KLHL2: variants seen among roughly 807,000 people sequenced by gnomAD.
The protein encoded by KLHL2 is kelch like family member 2.
A neutral mutation model predicts 75.8 loss-of-function variants in KLHL2; 15 were observed. The observed-to-expected ratio is 0.20, with a 90% CI of 0.13 to 0.30. KLHL2 has a LOEUF of 0.30. Ranked by LOEUF, KLHL2 falls within the 10% of genes least tolerant of loss-of-function variation. KLHL2 has a pLI of 1.00. For missense variants in KLHL2, 381 were observed against 741.0 expected, an observed-to-expected ratio of 0.51 and a Z score of 5.64; for synonymous variants, 214 against 251.9, an observed-to-expected ratio of 0.85 and a Z score of 1.42.
At chr4:165,220,975 G>T (rs1737942328) in intron 2 of KLHL2, among the ~76,000 whole-genome samples, 1 of 152,102 alleles carries the variant, frequency 6.6e-6, no homozygotes, top group Admixed American at 6.6e-5. Context: ...CATTCCGTTT[G>T]TGAAAGTACT....
intron 5 of KLHL2, among the ~76,000 whole-genome samples, chr4:165,290,468 T>TTTTG (rs1369728562): frequency 3.9e-5 from 6 of 152,162 alleles, no homozygotes; most frequent in East Asian, 1.9e-4. Flanking sequence ...GAACCTTGTT[T>TTTTG]TTTGTTTGTT....
chr4:165,320,913 A>G (rs191968537), intron 14 of KLHL2, among the ~76,000 whole-genome samples: 2 of 152,238 alleles, frequency 1.3e-5, no homozygotes, highest in Non-Finnish European at 2.9e-5. Context: ...TTAACAGAAC[A>G]TGACTCGACG....
intron 8 of KLHL2, among the ~76,000 whole-genome samples, 198 bp downstream of exon 8, chr4:165,299,854 C>T (rs1745218143): frequency 1.3e-5 from 2 of 152,120 alleles, no homozygotes; most frequent in Admixed American, 1.3e-4. Flanking sequence ...ATTCTTTGGT[C>T]CGTTTAATTT....
intron 4 of KLHL2, among the ~76,000 whole-genome samples, chr4:165,259,189 G>A (rs1475385205): frequency 6.6e-6 from 1 of 151,378 alleles, no homozygotes; most frequent in African/African-American, 2.4e-5. Flanking sequence ...TGCAACCTCC[G>A]CCTCCTGGGT....
At chr4:165,296,574 T>C (rs1744926934) in intron 6 of KLHL2, among the ~76,000 whole-genome samples, 1 of 152,142 alleles carries the variant, frequency 6.6e-6, no homozygotes, top group African/African-American at 2.4e-5. Flanking sequence ...GAGGCTATCT[T>C]TGGAGACTAG....
intron 4 of KLHL2, among the ~76,000 whole-genome samples, chr4:165,257,330 C>T (rs1258112952): frequency 6.6e-6 from 1 of 152,210 alleles, no homozygotes; most frequent in Non-Finnish European, 1.5e-5. Context: ...AAATATGTCT[C>T]AGAACTGTCT....
At chr4:165,313,959 A>C (rs140793959) in intron 12 of KLHL2, 67 bp from the exon 13 acceptor site, 2 of 1,478,058 alleles carry the variant, frequency 1.4e-6, no homozygotes, top group Non-Finnish European at 1.8e-6. Flanking sequence ...AGTCATTTAA[A>C]TAAACCTAAT....
intron 5 of KLHL2, among the ~76,000 whole-genome samples, chr4:165,289,236 A>G (rs1160427182): frequency 6.6e-6 from 1 of 152,136 alleles, no homozygotes; most frequent in East Asian, 1.9e-4. Flanking sequence ...AAGTAAACTA[A>G]TTTACTCCAG....
intron 2 of KLHL2, among the ~76,000 whole-genome samples, chr4:165,226,991 T>G (rs113875712): frequency 1.3e-4 from 20 of 152,206 alleles, no homozygotes; most frequent in Non-Finnish European, 1.9e-4. Flanking sequence ...AACTCTTGCA[T>G]AGTACCTTCC....
At chr4:165,291,625 C>T (rs550023540) in intron 5 of KLHL2, among the ~76,000 whole-genome samples, 2 of 152,136 alleles carry the variant, frequency 1.3e-5, no homozygotes, top group African/African-American at 2.4e-5. Flanking sequence ...TGTCACAGAT[C>T]AGTTGCCTGT....
chr4:165,287,504 T>A (rs948423925), intron 5 of KLHL2, among the ~76,000 whole-genome samples: 1 of 152,246 alleles, frequency 6.6e-6, no homozygotes, highest in Non-Finnish European at 1.5e-5. Context: ...CTTCTGGATA[T>A]ATACACAGAA....
intron 1 of KLHL2, among the ~76,000 whole-genome samples, chr4:165,213,768 G>C (rs1015144180): frequency 6.6e-6 from 1 of 152,060 alleles, no homozygotes; most frequent in African/African-American, 2.4e-5. Flanking sequence ...ATTGGCTTTG[G>C]TCATTTTGAA....
intron 5 of KLHL2, among the ~76,000 whole-genome samples, chr4:165,264,297 G>A (rs1296481450): frequency 6.6e-6 from 1 of 151,370 alleles, no homozygotes; most frequent in Non-Finnish European, 1.5e-5. Context: ...ACGAGGTCTG[G>A]GATTTTAATG....
intron 4 of KLHL2, among the ~76,000 whole-genome samples, chr4:165,250,724 A>T (rs1406570105): frequency 6.6e-6 from 1 of 152,228 alleles, no homozygotes; most frequent in Non-Finnish European, 1.5e-5. Context: ...ATGGGCAGGA[A>T]TAAAAAGACT....
intron 3 of KLHL2, among the ~76,000 whole-genome samples, chr4:165,237,990 A>G (rs192167740): frequency 0.014 from 2,099 of 151,748 alleles, 26 homozygotes; most frequent in Middle Eastern, 0.041. Flanking sequence ...CTCCTTCCCT[A>G]TTTCTTTTCC....
intron 9 of KLHL2, among the ~76,000 whole-genome samples, 176 bp downstream of exon 9, chr4:165,305,901 C>T (rs964483431): frequency 2.0e-5 from 3 of 152,172 alleles, no homozygotes; most frequent in African/African-American, 7.2e-5. Flanking sequence ...GATGGGATAG[C>T]TACTCTGTCT....
At chr4:165,243,271 G>A (rs1446999586) in intron 4 of KLHL2, among the ~76,000 whole-genome samples, 1 of 152,170 alleles carries the variant, frequency 6.6e-6, no homozygotes, top group East Asian at 1.9e-4. Flanking sequence ...CCGCCTTTGG[G>A]TATTTGTTTT....
Position 165,311,608 on chromosome 4 carries a change from C to T in KLHL2, c.1339+43C>T, listed in dbSNP as rs781769568. ...TTTCAGGTACATGTGGCATTTTGAT[C>T]CTTGAGAGTGGTTCTTCCAGTAATC... On this transcript the variant is annotated intron_variant, in intron 11 of 14. Transcript: ENST00000226725. 17 of 1,369,524 alleles carry T rather than the reference C, an allele frequency of 1.2e-5. No homozygotes were observed. The African/African-American group carries it at 2.2e-4, about 17-fold the overall frequency. 84.8% of individuals were successfully genotyped at this position (1,369,524 alleles called of 1,614,324 possible).
intron 5 of KLHL2, among the ~76,000 whole-genome samples, chr4:165,289,326 T>C (rs1450128291): frequency 6.6e-6 from 1 of 152,170 alleles, no homozygotes; most frequent in African/African-American, 2.4e-5. Flanking sequence ...AAGCTCAGTA[T>C]AAGAATGTAA....
Sources: allele counts gnomAD v4.1 joint callset (sites outside exome capture counted in the v4.1 genomes callset), GRCh38; gene constraint gnomAD v4.1.1; transcripts MANE v1.5; gene names NCBI Gene and HGNC (gene_info 2026-07-23, HGNC 2026-07-21).